The following SLC22A4 variants were observed in gnomAD, a reference collection of about 807,000 sequenced individuals.
SLC22A4 encodes solute carrier family 22 member 4, also known as ET transporter.
A neutral mutation model predicts 56.6 loss-of-function variants in SLC22A4; 39 were observed. The observed-to-expected ratio is 0.69, with a 90% CI of 0.53 to 0.90. The LOEUF is 0.90. Ranked by LOEUF, SLC22A4 falls within the 40% of genes least tolerant of loss-of-function variation. The pLI is 0.00. For synonymous variants in SLC22A4, 241 were observed against 281.4 expected (o/e 0.86, Z 1.44); for missense variants, 594 against 696.5 (o/e 0.85, Z 1.66).
rs1387514255 is a variant in SLC22A4, at chr5:132,325,631, CTG to C, written c.825-1642_825-1641del. ...TGGGGCCAATTAACTACACAGGACT[CTG>C]TGTCTGCTACTTATAATTTGTTGTC... On this transcript the variant is annotated intron_variant, in intron 4 of 9. Coordinates refer to ENST00000200652, the MANE Select transcript of SLC22A4 (RefSeq NM_003059.3). 3.9e-5 allele frequency among the ~76,000 whole-genome samples: 6 copies of C among 152,328 alleles called. No individual in the cohort carries two copies. The East Asian group carries it at 1.2e-3, about 29-fold the overall frequency.
intron 4 of SLC22A4, among the ~76,000 whole-genome samples, chr5:132,326,878 G>C (rs925621367): frequency 6.6e-6 from 1 of 152,338 alleles, no homozygotes; most frequent in Non-Finnish European, 1.5e-5. Flanking sequence ...TGGGACACCA[G>C]CAATTCTCCT....
chr5:132,342,574 A>T (rs1378290265), intron 9 of SLC22A4, among the ~76,000 whole-genome samples: 2 of 152,188 alleles, frequency 1.3e-5, no homozygotes, highest in Non-Finnish European at 2.9e-5. Context: ...GCCTTGCTTC[A>T]CTTGCCACTC....
At chr5:132,307,373 A>G (rs1395818069) in intron 1 of SLC22A4, among the ~76,000 whole-genome samples, 4 of 152,222 alleles carry the variant, frequency 2.6e-5, no homozygotes, top group African/African-American at 9.6e-5. Context: ...TTTCACTCAC[A>G]GTCATCTCTG....
Position 132,328,193 on chromosome 5 carries a change from C to T in SLC22A4, c.951+790C>T, listed in dbSNP as rs116228365. 5.5e-3 allele frequency among the ~76,000 whole-genome samples: 833 copies of T among 152,218 alleles called. 12 individuals are homozygous for T. Among genetic ancestry groups the T allele is most frequent in the African/African-American group, 0.019 (790 of 41,526 alleles). ...CCCATGGCTGGAGGCAGGTCCAAGC[C>T]AGGGAGGACAGCAGGACTCACTTAA... is the stretch of plus-strand genomic sequence containing the variant. On this transcript the variant is annotated intron_variant, in intron 5 of 9. Coordinates refer to ENST00000200652, the MANE Select transcript of SLC22A4 (RefSeq NM_003059.3).
chr5:132,297,674 G>A (rs549687735), intron 1 of SLC22A4, among the ~76,000 whole-genome samples: 5,110 of 146,298 alleles, frequency 0.035, 245 homozygotes, highest in African/African-American at 0.11. Flanking sequence ...ACTACAAAAA[G>A]AAAAAAAAAA....
intron 1 of SLC22A4, among the ~76,000 whole-genome samples, chr5:132,303,887 G>A (rs1378592472): frequency 6.6e-6 from 1 of 152,184 alleles, no homozygotes; most frequent in African/African-American, 2.4e-5. Context: ...GCCCAGCGGG[G>A]AGAGATAATC....
chr5:132,323,813 T>G (rs1335981445), intron 4 of SLC22A4, among the ~76,000 whole-genome samples: 1 of 152,242 alleles, frequency 6.6e-6, no homozygotes, highest in Non-Finnish European at 1.5e-5. Flanking sequence ...CAAAGGTTCT[T>G]TTCTGCCTCT....
intron 3 of SLC22A4, among the ~76,000 whole-genome samples, chr5:132,316,382 C>G (rs942363149): frequency 6.6e-6 from 1 of 152,158 alleles, no homozygotes; most frequent in Admixed American, 6.5e-5. Flanking sequence ...AATGACCACT[C>G]GGGACCAAGG....
chr5:132,336,637 A>G (rs1406458028), intron 8 of SLC22A4, among the ~76,000 whole-genome samples: 3 of 152,368 alleles, frequency 2.0e-5, no homozygotes, highest in Non-Finnish European at 2.9e-5. Context: ...AAATAGTTAC[A>G]TATTGCTCCT....
intron 6 of SLC22A4, among the ~76,000 whole-genome samples, chr5:132,332,552 G>A (rs935061823): frequency 1.3e-5 from 2 of 152,122 alleles, no homozygotes; most frequent in African/African-American, 4.8e-5. Context: ...ACTGAGGCTA[G>A]AATAACCTAG....
At chr5:132,318,079 G>T (rs1349258708) in intron 3 of SLC22A4, among the ~76,000 whole-genome samples, 1 of 152,208 alleles carries the variant, frequency 6.6e-6, no homozygotes, top group Non-Finnish European at 1.5e-5. Context: ...CATATTGCTG[G>T]GTATACACAG....
chr5:132,306,597 C>T lies in SLC22A4; in HGVS notation c.394-5564C>T, dbSNP rs183405174. Among the ~76,000 whole-genome samples, 160 of 150,742 alleles carry T rather than the reference C, an allele frequency of 1.1e-3. No homozygotes were observed. The East Asian group carries it at 0.014, about 13-fold the overall frequency. ...AGTAGCTGGGATTACAGGCACGTGC[C>T]ACCGTGCCCAGCTAATTTTTGCATT... is the stretch of plus-strand genomic sequence containing the variant. On this transcript the variant is annotated intron_variant, in intron 1 of 9. Coordinates refer to ENST00000200652, the MANE Select transcript of SLC22A4 (RefSeq NM_003059.3).
chr5:132,334,959 T>C, intron 7 of SLC22A4, 27 bp downstream of exon 7: 3 of 1,529,710 alleles, frequency 2.0e-6, no homozygotes, highest in Non-Finnish European at 2.7e-6. Flanking sequence ...GATGAACAGC[T>C]TACCAGAAAA....
At chr5:132,335,791 AT>A (rs756693780) in intron 7 of SLC22A4, 26 bp from the exon 8 acceptor site, 2 of 1,594,152 alleles carry the variant, frequency 1.3e-6, no homozygotes, top group African/African-American at 2.7e-5. Flanking sequence ...TAAAAGCACC[AT>A]TGTTTATACC....
intron 8 of SLC22A4, among the ~76,000 whole-genome samples, chr5:132,338,015 GATAACAGACATGAGCC>G (rs1751079919): frequency 6.6e-6 from 1 of 152,010 alleles, no homozygotes; most frequent in African/African-American, 2.4e-5. Context: ...AAAGTGCTGG[GATAACAGACATGAGCC>G]ACTGTGCCTG....
chr5:132,323,068 T>C (rs1381712492), intron 4 of SLC22A4, among the ~76,000 whole-genome samples: 1 of 152,252 alleles, frequency 6.6e-6, no homozygotes, highest in Non-Finnish European at 1.5e-5. Context: ...TGCTTTTTCA[T>C]ATTTAAGCAA....
chr5:132,331,762 A>AATCCC lies in SLC22A4; in HGVS notation c.959_963dup (p.Leu322IlefsTer3). The AATCCC allele has an allele frequency of 6.2e-7, 1 of 1,611,566 alleles. No homozygotes were observed. Among genetic ancestry groups the AATCCC allele is most frequent in the Non-Finnish European group, 8.5e-7 (1 of 1,177,658 alleles). On this transcript the variant is annotated frameshift_variant, in exon 6 of 10. Transcript: ENST00000200652. LOFTEE classifies it high-confidence loss of function. Reference sequence around the variant, plus strand: ...TGCATTATTTTGGTTACAGGAGCTAAATCCCCTGAAGCAGCAGAAAGCTTT... The same window carrying AATCCC: ...TGCATTATTTTGGTTACAGGAGCTAAATCCCATCCCCTGAAGCAGCAGAAAGCTTT...
intron 1 of SLC22A4, among the ~76,000 whole-genome samples, chr5:132,305,321 T>C (rs867732883): frequency 6.6e-5 from 10 of 151,948 alleles, no homozygotes; most frequent in Admixed American, 1.3e-4. Context: ...ATATGCATAA[T>C]AGAATTACTA....
chr5:132,334,977 A>G (rs1412641960), intron 7 of SLC22A4, 45 bp downstream of exon 7: 15 of 1,326,308 alleles, frequency 1.1e-5, no homozygotes, highest in African/African-American at 5.8e-5. Flanking sequence ...AAAGACCCAC[A>G]TATTGACTAG....
Sources: gnomAD v4.1 joint callset for allele counts (sites outside exome capture counted in the v4.1 genomes callset) on GRCh38, gnomAD v4.1.1 for gene constraint, MANE v1.5 for transcripts, NCBI Gene and HGNC (gene_info 2026-07-23, HGNC 2026-07-21) for gene names.